Variants in KCNT2 observed in about 807,000 individuals in gnomAD.
The protein encoded by KCNT2 is potassium channel subfamily T member 2.
KCNT2 carries 67 observed loss-of-function variants against 153.8 expected under a neutral mutation model. That is an observed-to-expected ratio of 0.44 (90% CI 0.36 to 0.53). The LOEUF is 0.53. KCNT2 is among the 20% of genes least tolerant of loss of function. The probability of loss-of-function intolerance (pLI) is 0.00; values close to 1 mark genes in which losing one functional copy is unlikely to be tolerated. For missense variants in KCNT2, 975 were observed against 1,354.8 expected (o/e 0.72, Z 4.40); for synonymous variants, 500 against 458.8 (o/e 1.09, Z -1.15).
intron 1 of KCNT2, among the ~76,000 whole-genome samples, chr1:196,501,631 T>A (rs1247909335): frequency 6.6e-6 from 1 of 152,118 alleles, no homozygotes; most frequent in African/African-American, 2.4e-5. Flanking sequence ...TGAAACATTA[T>A]CTAATGGGTA....
At chr1:196,491,837 T>A (rs1048014231) in intron 2 of KCNT2, among the ~76,000 whole-genome samples, 6 of 152,056 alleles carry the variant, frequency 3.9e-5, no homozygotes, top group Non-Finnish European at 8.8e-5. Context: ...TCTTATTATT[T>A]GGAATGATTA....
intron 1 of KCNT2, among the ~76,000 whole-genome samples, chr1:196,603,763 C>T (rs1052030156): frequency 5.3e-5 from 8 of 152,204 alleles, no homozygotes; most frequent in Admixed American, 1.3e-4. Flanking sequence ...AAATGACCTT[C>T]TCTTCTATGG....
intron 17 of KCNT2, among the ~76,000 whole-genome samples, chr1:196,333,514 C>A (rs1019835623): frequency 1.3e-5 from 2 of 151,774 alleles, no homozygotes; most frequent in Non-Finnish European, 2.9e-5. Context: ...GTATAAAGTA[C>A]AATATACTAT....
chr1:196,447,499 T>C (rs1675791989), intron 8 of KCNT2, among the ~76,000 whole-genome samples: 1 of 151,464 alleles, frequency 6.6e-6, no homozygotes, highest in Non-Finnish European at 1.5e-5. Flanking sequence ...CGATGTAAGT[T>C]GGGGTCAGAG....
intron 11 of KCNT2, among the ~76,000 whole-genome samples, chr1:196,425,240 A>T (rs1489597078): frequency 2.6e-5 from 4 of 151,926 alleles, no homozygotes; most frequent in Non-Finnish European, 4.4e-5. Flanking sequence ...ACTTGTGACA[A>T]ATGTTTAAGA....
chr1:196,537,565 C>T (rs978369840), intron 1 of KCNT2, among the ~76,000 whole-genome samples: 1 of 152,136 alleles, frequency 6.6e-6, no homozygotes, highest in Non-Finnish European at 1.5e-5. Flanking sequence ...TCTCCCCACG[C>T]CAGGAACCTT....
chr1:196,273,760 G>A (rs190828838), intron 25 of KCNT2, among the ~76,000 whole-genome samples: 1 of 151,670 alleles, frequency 6.6e-6, no homozygotes, highest in East Asian at 1.9e-4. Context: ...ATCGGCAGAC[G>A]GGACAATGGT....
At chr1:196,595,889 C>T (rs1311538754) in intron 1 of KCNT2, among the ~76,000 whole-genome samples, 1 of 151,682 alleles carries the variant, frequency 6.6e-6, no homozygotes, top group Non-Finnish European at 1.5e-5. Flanking sequence ...CACTCGTAGG[C>T]CTTTGCATCC....
At chr1:196,306,047 G>A (rs1195771492) in intron 21 of KCNT2, among the ~76,000 whole-genome samples, 1 of 151,896 alleles carries the variant, frequency 6.6e-6, no homozygotes, top group Non-Finnish European at 1.5e-5. Flanking sequence ...CAGAGAAAAG[G>A]GGCAGGATGA....
chr1:196,435,681 A>C (rs1295202655), intron 8 of KCNT2, among the ~76,000 whole-genome samples: 2 of 151,836 alleles, frequency 1.3e-5, no homozygotes, highest in African/African-American at 4.8e-5. Context: ...TCTAATACAA[A>C]GTTCAGTCAA....
intron 1 of KCNT2, among the ~76,000 whole-genome samples, chr1:196,552,066 C>A (rs1489480965): frequency 1.3e-5 from 2 of 151,418 alleles, no homozygotes; most frequent in African/African-American, 2.4e-5. Context: ...GTTCTGTTCT[C>A]CCTCCTATTC....
intron 1 of KCNT2, among the ~76,000 whole-genome samples, chr1:196,504,855 ATG>A (rs1456677334): frequency 6.6e-6 from 1 of 151,988 alleles, no homozygotes; most frequent in Non-Finnish European, 1.5e-5. Context: ...GCATTTTTTT[ATG>A]TGTTTTTTGG....
At chr1:196,580,550 A>G (rs1229569015) in intron 1 of KCNT2, among the ~76,000 whole-genome samples, 1 of 152,198 alleles carries the variant, frequency 6.6e-6, no homozygotes, top group Non-Finnish European at 1.5e-5. Flanking sequence ...GAAAATGTGT[A>G]TATACTTAGA....
chr1:196,548,389 CA>C (rs1021812014), intron 1 of KCNT2, among the ~76,000 whole-genome samples: 4 of 151,800 alleles, frequency 2.6e-5, no homozygotes, highest in South Asian at 2.1e-4. Flanking sequence ...TTTATGCAGC[CA>C]AAAAACACAT....
At chr1:196,585,341 C>T (rs1007086932) in intron 1 of KCNT2, among the ~76,000 whole-genome samples, 4 of 152,112 alleles carry the variant, frequency 2.6e-5, no homozygotes, top group Non-Finnish European at 5.9e-5. Flanking sequence ...ACTTGACTTA[C>T]ACATCAAGTA....
At chr1:196,311,001 C>T (rs774384519) in intron 21 of KCNT2, among the ~76,000 whole-genome samples, 7 of 151,770 alleles carry the variant, frequency 4.6e-5, no homozygotes, top group Non-Finnish European at 5.9e-5. Context: ...TATATGCTGC[C>T]GCCATATGGA....
At chr1:196,592,953 G>A (rs1316415202) in intron 1 of KCNT2, among the ~76,000 whole-genome samples, 2 of 149,456 alleles carry the variant, frequency 1.3e-5, no homozygotes, top group South Asian at 4.2e-4. Flanking sequence ...AAAATGTGGG[G>A]GGAACAGGTA....
intron 8 of KCNT2, among the ~76,000 whole-genome samples, chr1:196,430,409 TC>T (rs1558281388): frequency 1.4e-5 from 2 of 145,326 alleles, no homozygotes; most frequent in African/African-American, 5.5e-5. Flanking sequence ...TCTCTCTCTT[TC>T]TCTCTCTCTT....
At chr1:196,231,675 C>T (rs994081961) in intron 27 of KCNT2, among the ~76,000 whole-genome samples, 2 of 151,728 alleles carry the variant, frequency 1.3e-5, no homozygotes, top group South Asian at 2.1e-4. Flanking sequence ...ATGGAGACCA[C>T]AGAGGATGGA....
Sources: gnomAD v4.1 joint callset for allele counts (sites outside exome capture counted in the v4.1 genomes callset) on GRCh38, gnomAD v4.1.1 for gene constraint, MANE v1.5 for transcripts, NCBI Gene and HGNC (gene_info 2026-07-23, HGNC 2026-07-21) for gene names.